Variants in IFIH1 observed in about 807,000 individuals in gnomAD.
IFIH1 encodes the protein interferon-induced helicase C domain-containing protein 1.
IFIH1 carries 125 observed loss-of-function variants against 107.4 expected under a neutral mutation model. The observed-to-expected ratio is 1.16, with a 90% CI of 1.01 to 1.35. The LOEUF (loss-of-function observed/expected upper bound fraction) is 1.35, where lower values mean the gene tolerates loss of function less well. IFIH1 is among the 40% of genes most tolerant of loss of function. The pLI is 0.00. For missense variants in IFIH1, 1,333 were observed against 1,213.7 expected, an observed-to-expected ratio of 1.10 and a Z score of -1.46; for synonymous variants, 458 against 413.2, an observed-to-expected ratio of 1.11 and a Z score of -1.31.
Position 162,277,577 on chromosome 2 carries a change from T to TTTCAAGATG in IFIH1, c.1873_1881dup (p.His625_Glu627dup). On this transcript the variant is annotated inframe_insertion, in exon 10 of 16. Coordinates refer to ENST00000649979, the MANE Select transcript of IFIH1 (RefSeq NM_022168.4). ...TTATCTTTCTCTTCATTATAGAAAG[T>TTTCAAGATG]TTCAAGATGAGTATACGCATCTATC... 4 of 1,611,128 alleles carry TTTCAAGATG rather than the reference T, an allele frequency of 2.5e-6. No individual in the cohort carries two copies. The highest frequency in any genetic ancestry group is 3.4e-6 in the Non-Finnish European group (4 of 1,177,458).
At chr2:162,289,271 T>C (rs1682953632) in intron 4 of IFIH1, among the ~76,000 whole-genome samples, 1 of 151,706 alleles carries the variant, frequency 6.6e-6, no homozygotes, top group East Asian at 1.9e-4. Context: ...ACTGATAAAA[T>C]AAGTTCTAAC....
intron 8 of IFIH1, 65 bp downstream of exon 8, chr2:162,279,931 C>A: frequency 3.4e-6 from 3 of 888,514 alleles, no homozygotes; most frequent in African/African-American, 1.7e-5. Context: ...TATAAAATAG[C>A]CTTTGCCATC....
chr2:162,276,960 T>C lies in IFIH1; in HGVS notation c.2045-14A>G, dbSNP rs1245013386. The C allele has an allele frequency of 6.3e-7, 1 of 1,578,586 alleles. No individual in the cohort carries two copies. Among genetic ancestry groups the C allele is most frequent in the East Asian group, 2.2e-5 (1 of 44,682 alleles). On this transcript the variant is annotated splice_polypyrimidine_tract_variant and intron_variant, in intron 10 of 15. Transcript: ENST00000649979. ...TTTTATTGTTTTCTTTAAGAAATAATTAGAGTTGATATGTTAACAAGCTTG... is the reference window on the plus strand; with the variant it reads ...TTTTATTGTTTTCTTTAAGAAATAACTAGAGTTGATATGTTAACAAGCTTG...
At chr2:162,287,545 G>A (rs1682918310) in intron 5 of IFIH1, among the ~76,000 whole-genome samples, 1 of 151,596 alleles carries the variant, frequency 6.6e-6, no homozygotes, top group Admixed American at 6.6e-5. Flanking sequence ...TGCATTTAAT[G>A]TAATATGTGT....
chr2:162,285,513 T>G (rs1232952376), intron 5 of IFIH1, among the ~76,000 whole-genome samples: 1 of 151,944 alleles, frequency 6.6e-6, no homozygotes, highest in Admixed American at 6.6e-5. Flanking sequence ...AAAGATGGTA[T>G]AGTAAACAAT....
intron 3 of IFIH1, among the ~76,000 whole-genome samples, chr2:162,301,605 T>C (rs939579584): frequency 3.3e-5 from 5 of 152,228 alleles, no homozygotes; most frequent in African/African-American, 7.2e-5. Flanking sequence ...GTGAAGTAAC[T>C]ATTCACTTGT....
chr2:162,303,331 G>C (rs978359385), intron 3 of IFIH1, among the ~76,000 whole-genome samples: 10 of 152,090 alleles, frequency 6.6e-5, no homozygotes, highest in Non-Finnish European at 1.5e-4. Flanking sequence ...GGTCAGGCTG[G>C]TCTTGAACTC....
intron 4 of IFIH1, among the ~76,000 whole-genome samples, chr2:162,292,392 TTAAAGTTGTGA>T (rs1321296352): frequency 6.6e-6 from 1 of 151,804 alleles, no homozygotes; most frequent in Admixed American, 6.6e-5. Flanking sequence ...TAAATGAAGA[TTAAAGTTGTGA>T]ATGACATTTG....
rs1377594430 is a variant in IFIH1 at position 162,288,157 on chromosome 2, T to G, written c.1073A>C (p.Lys358Thr). Residue 358 changes from lysine to threonine, a missense_variant, in exon 5 of 16, where the codon AAA becomes ACA. By Grantham distance (78) the Lys-to-Thr change is moderately conservative. Coordinates refer to ENST00000649979, the MANE Select transcript of IFIH1 (RefSeq NM_022168.4). Reference protein sequence around the residue: ...DKKKKASEPGKVIVLVNKVLL... With the variant: ...DKKKKASEPGTVIVLVNKVLL... ...TACCTTATTGACAAGAACTATAACT[T>G]TTCCAGGCTCAGATGCTTTTTTCTT... 6.2e-7 allele frequency: 1 copy of G among 1,611,478 alleles called. No individual in the cohort carries two copies. Among genetic ancestry groups the G allele is most frequent in the Non-Finnish European group, 8.5e-7 (1 of 1,178,622 alleles).
chr2:162,286,665 A>G (rs1434187900), intron 5 of IFIH1, among the ~76,000 whole-genome samples: 2 of 151,950 alleles, frequency 1.3e-5, no homozygotes, highest in African/African-American at 4.8e-5. Context: ...GTTTGAGAAA[A>G]TGGCAGATGC....
chr2:162,286,375 T>C (rs1244010293), intron 5 of IFIH1, among the ~76,000 whole-genome samples: 1 of 151,694 alleles, frequency 6.6e-6, no homozygotes, highest in African/African-American at 2.4e-5. Flanking sequence ...TTTCTAAGAG[T>C]GTCAGTGTCT....
chr2:162,284,628 T>G (rs1682867348), intron 5 of IFIH1, among the ~76,000 whole-genome samples: 1 of 151,968 alleles, frequency 6.6e-6, no homozygotes, highest in Admixed American at 6.6e-5. Context: ...AATTAAAGTC[T>G]TGAAACTTCA....
chr2:162,308,984 A>C (rs1458303391), intron 2 of IFIH1, among the ~76,000 whole-genome samples: 1 of 152,202 alleles, frequency 6.6e-6, no homozygotes, highest in African/African-American at 2.4e-5. Flanking sequence ...CCAGCTGTGA[A>C]CTTGTGAAAC....
intron 7 of IFIH1, among the ~76,000 whole-genome samples, chr2:162,280,416 C>A (rs1682784550): frequency 6.6e-6 from 1 of 151,992 alleles, no homozygotes; most frequent in Non-Finnish European, 1.5e-5. Flanking sequence ...CCTTAAATTC[C>A]ATTTTCCAAG....
intron 3 of IFIH1, among the ~76,000 whole-genome samples, chr2:162,302,689 T>C (rs1683213552): frequency 6.6e-6 from 1 of 152,262 alleles, no homozygotes; most frequent in Admixed American, 6.5e-5. Context: ...TGGTACTTTA[T>C]AAGTTATTAA....
chr2:162,286,793 G>C (rs1263146279), intron 5 of IFIH1, among the ~76,000 whole-genome samples: 1 of 151,962 alleles, frequency 6.6e-6, no homozygotes, highest in Non-Finnish European at 1.5e-5. Flanking sequence ...CATGAGTTAT[G>C]AAGGTGAAGA....
chr2:162,292,018 G>A (rs1683005040), intron 4 of IFIH1, among the ~76,000 whole-genome samples: 1 of 151,768 alleles, frequency 6.6e-6, no homozygotes, highest in Admixed American at 6.6e-5. Context: ...TGTGTTTCAT[G>A]CCACATTGAG....
chr2:162,292,942 T>A (rs1371974921), intron 4 of IFIH1, among the ~76,000 whole-genome samples: 1 of 151,784 alleles, frequency 6.6e-6, no homozygotes, highest in African/African-American at 2.4e-5. Context: ...GGAAAACTGA[T>A]AACAGGAAGT....
intron 1 of IFIH1, among the ~76,000 whole-genome samples, chr2:162,317,144 T>A (rs963787029): frequency 1.3e-5 from 2 of 151,778 alleles, no homozygotes; most frequent in African/African-American, 4.8e-5. Context: ...TGCCAGATAA[T>A]AAATATTTTT....
Sources: gnomAD v4.1 joint callset for allele counts (sites outside exome capture counted in the v4.1 genomes callset) on GRCh38, gnomAD v4.1.1 for gene constraint, MANE v1.5 for transcripts, NCBI Gene and HGNC (gene_info 2026-07-23, HGNC 2026-07-21) for gene names.